Variants in ROBO2 observed in about 807,000 individuals in gnomAD.
ROBO2 encodes the protein roundabout homolog 2.
In ROBO2, 53 loss-of-function variants were observed where a neutral mutation model predicts 160.8. The ratio of observed to expected loss-of-function variants is 0.33; its 90% CI spans 0.26 to 0.41. The LOEUF (loss-of-function observed/expected upper bound fraction) is 0.41, where lower values mean the gene tolerates loss of function less well. ROBO2 is among the 10% of genes least tolerant of loss of function. The pLI is 1.00. For missense variants in ROBO2, 1,577 were observed against 1,722.4 expected (o/e 0.92, Z 1.49); for synonymous variants, 664 against 611.7 (o/e 1.09, Z -1.26).
chr3:76,107,032 A>G (rs1470456147), intron 2 of ROBO2, among the ~76,000 whole-genome samples: 1 of 152,156 alleles, frequency 6.6e-6, no homozygotes, highest in East Asian at 1.9e-4. Flanking sequence ...AATGGAATTA[A>G]TAAAAAATAA....
At chr3:76,284,575 AGTGT>A (rs1708416215) in intron 2 of ROBO2, among the ~76,000 whole-genome samples, 3 of 152,126 alleles carry the variant, frequency 2.0e-5, no homozygotes, top group Non-Finnish European at 4.4e-5. Flanking sequence ...AGCTTCTCTC[AGTGT>A]GCAATAACAT....
chr3:77,496,249 T>C (rs1361586304), intron 5 of ROBO2, among the ~76,000 whole-genome samples: 1 of 152,202 alleles, frequency 6.6e-6, no homozygotes, highest in African/African-American at 2.4e-5. Flanking sequence ...CTTTAAATTG[T>C]TTTTGTTAGA....
chr3:77,138,881 G>A (rs2076484319), intron 2 of ROBO2, among the ~76,000 whole-genome samples: 1 of 152,040 alleles, frequency 6.6e-6, no homozygotes, highest in Admixed American at 6.6e-5. Flanking sequence ...TCATGAATAT[G>A]AGATTGGAAG....
chr3:77,164,976 G>T (rs1185881542), intron 2 of ROBO2, among the ~76,000 whole-genome samples: 1 of 149,126 alleles, frequency 6.7e-6, no homozygotes, highest in African/African-American at 2.5e-5. Flanking sequence ...CGCCCCGTCC[G>T]GGAGGTGAGG....
At chr3:76,699,090 G>A (rs1305022599) in intron 2 of ROBO2, among the ~76,000 whole-genome samples, 1 of 152,074 alleles carries the variant, frequency 6.6e-6, no homozygotes, top group Non-Finnish European at 1.5e-5. Flanking sequence ...AAATTCTCTA[G>A]GCATTTATTT....
rs796872517 is a variant in ROBO2 at position 77,293,609 on chromosome 3, C to A, written c.389-183805C>A. Among the ~76,000 whole-genome samples the A allele has an allele frequency of 5.7e-5, 6 of 105,508 alleles. No homozygotes were observed. The South Asian group carries it at 1.3e-3, about 23-fold the overall frequency. The allele number at this position is 105,508 out of a possible 152,430, so 69.2% of individuals were successfully genotyped here. On this transcript the variant is annotated intron_variant, in intron 2 of 25. Transcript: ENST00000461745. ...AGCTGAGGCTAGATCACCCCAGACACAAAGTAAAATTGACGGTTAAACGGG... is the reference window on the plus strand; with the variant it reads ...AGCTGAGGCTAGATCACCCCAGACAAAAAGTAAAATTGACGGTTAAACGGG...
intron 5 of ROBO2, among the ~76,000 whole-genome samples, chr3:77,514,905 C>G (rs2089835850): frequency 6.6e-6 from 1 of 151,604 alleles, no homozygotes. Flanking sequence ...CTTAGGGAAA[C>G]CATGACCCAT....
At chr3:77,130,809 A>C (rs922830876) in intron 2 of ROBO2, among the ~76,000 whole-genome samples, 1 of 152,218 alleles carries the variant, frequency 6.6e-6, no homozygotes, top group African/African-American at 2.4e-5. Context: ...AAAAACTTCA[A>C]AGTAATCGCC....
intron 2 of ROBO2, among the ~76,000 whole-genome samples, chr3:76,804,474 T>C (rs1249997160): frequency 6.6e-6 from 1 of 152,186 alleles, no homozygotes. Context: ...ATCTTTATAC[T>C]AATAGTAGTA....
intron 2 of ROBO2, among the ~76,000 whole-genome samples, chr3:76,105,409 A>G (rs1364096666): frequency 6.6e-6 from 1 of 152,150 alleles, no homozygotes; most frequent in Non-Finnish European, 1.5e-5. Context: ...CTGTAGTAAG[A>G]CTTCTGTTTA....
intron 2 of ROBO2, among the ~76,000 whole-genome samples, chr3:77,468,856 G>T (rs1188254612): frequency 1.3e-5 from 2 of 152,186 alleles, no homozygotes; most frequent in Admixed American, 1.3e-4. Context: ...TCTCATTTTG[G>T]AGTTGTCAGC....
chr3:76,225,607 C>T (rs1206177551), intron 2 of ROBO2, among the ~76,000 whole-genome samples: 3 of 152,016 alleles, frequency 2.0e-5, no homozygotes, highest in Non-Finnish European at 4.4e-5. Context: ...CCCAGCTACT[C>T]GAGAGGCTGA....
chr3:77,170,028 T>G (rs1464281157), intron 2 of ROBO2, among the ~76,000 whole-genome samples: 2 of 152,194 alleles, frequency 1.3e-5, no homozygotes, highest in African/African-American at 4.8e-5. Context: ...GGAAGCTTCA[T>G]AAATCAGCAA....
chr3:77,098,187 C>A (rs768561235), exon 2 of ROBO2: 3 of 1,614,154 alleles, frequency 1.9e-6, no homozygotes, highest in East Asian at 2.2e-5. Flanking sequence ...GGACGATCCC[C>A]GGTCCCACAG....
chr3:76,456,823 G>A (rs773927447), intron 2 of ROBO2, among the ~76,000 whole-genome samples: 6 of 152,094 alleles, frequency 3.9e-5, no homozygotes, highest in East Asian at 1.9e-4. Flanking sequence ...GGTGGGAGGC[G>A]AAAAGCACTT....
At chr3:77,292,017 A>C (rs1272037722) in intron 2 of ROBO2, among the ~76,000 whole-genome samples, 1 of 151,328 alleles carries the variant, frequency 6.6e-6, no homozygotes, top group Non-Finnish European at 1.5e-5. Flanking sequence ...AGGCTAGATC[A>C]CCCCAGAAAT....
intron 2 of ROBO2, among the ~76,000 whole-genome samples, chr3:76,690,774 A>T (rs1257976919): frequency 6.6e-6 from 1 of 152,118 alleles, no homozygotes; most frequent in East Asian, 1.9e-4. Flanking sequence ...ATATCATTAG[A>T]TATTATTTTA....
intron 2 of ROBO2, among the ~76,000 whole-genome samples, chr3:77,241,317 A>C (rs1189464599): frequency 6.6e-6 from 1 of 152,222 alleles, no homozygotes; most frequent in Non-Finnish European, 1.5e-5. Context: ...GTCCAATGAA[A>C]GTAGAAATTA....
At chr3:75,990,080 C>T (rs1004534517) in intron 2 of ROBO2, among the ~76,000 whole-genome samples, 1 of 152,022 alleles carries the variant, frequency 6.6e-6, no homozygotes, top group African/African-American at 2.4e-5. Flanking sequence ...ATTAAATAAG[C>T]TTATAAAGTA....
Sources: gnomAD v4.1 joint callset for allele counts (sites outside exome capture counted in the v4.1 genomes callset) on GRCh38, gnomAD v4.1.1 for gene constraint, MANE v1.5 for transcripts, NCBI Gene and HGNC (gene_info 2026-07-23, HGNC 2026-07-21) for gene names.